CNTNAP5: variants seen among roughly 807,000 people sequenced by gnomAD.
CNTNAP5 encodes contactin associated protein family member 5, also known as contactin-associated protein-like 5.
In CNTNAP5, 72 loss-of-function variants were observed where a neutral mutation model predicts 150.2. That is an observed-to-expected ratio of 0.48 (90% confidence interval 0.40 to 0.58). The LOEUF (loss-of-function observed/expected upper bound fraction) is 0.58, where lower values mean the gene tolerates loss of function less well. CNTNAP5 is among the 20% of genes least tolerant of loss of function. The pLI, the probability that CNTNAP5 is intolerant of heterozygous loss-of-function variation, is 0.00. For synonymous variants in CNTNAP5, 672 were observed against 619.8 expected, an observed-to-expected ratio of 1.08 and a Z score of -1.25; for missense variants, 1,636 against 1,626.2, an observed-to-expected ratio of 1.01 and a Z score of -0.10.
chr2:124,466,909 C>T (rs531978499), intron 6 of CNTNAP5, among the ~76,000 whole-genome samples: 1 of 152,236 alleles, frequency 6.6e-6, no homozygotes, highest in African/African-American at 2.4e-5. Context: ...AGATCTTCAG[C>T]ATCCTCGGAA....
chr2:124,523,777 T>C (rs541377548), intron 8 of CNTNAP5, among the ~76,000 whole-genome samples: 2 of 152,204 alleles, frequency 1.3e-5, no homozygotes, highest in Non-Finnish European at 2.9e-5. Context: ...TTGGATTATA[T>C]GTTACCTCTC....
intron 13 of CNTNAP5, among the ~76,000 whole-genome samples, chr2:124,654,773 C>A (rs1285517600): frequency 2.6e-5 from 4 of 152,068 alleles, no homozygotes; most frequent in African/African-American, 9.6e-5. Context: ...CTTAACCACC[C>A]CCCGCCTCCA....
rs138387747 is a variant in CNTNAP5, at chr2:124,092,619, TTC to T, written c.82+66891_82+66892del. 5.4e-4 allele frequency among the ~76,000 whole-genome samples: 83 copies of T among 152,336 alleles called. No homozygotes were observed. In the East Asian group the frequency reaches 0.015, roughly 28 times the overall value. ...TAGACCTCAAGTTTCCTCAACATTT[TTC>T]TCTTTGCCGTAGTTCAATTTCTCAG... On this transcript the variant is annotated intron_variant, in intron 1 of 23. Transcript: ENST00000682447.
chr2:124,075,963 A>T (rs1236210970), intron 1 of CNTNAP5, among the ~76,000 whole-genome samples: 2 of 152,190 alleles, frequency 1.3e-5, no homozygotes, highest in African/African-American at 4.8e-5. Flanking sequence ...AAACTTGTGC[A>T]TCTCAGAAAT....
intron 14 of CNTNAP5, among the ~76,000 whole-genome samples, chr2:124,752,908 A>G (rs1187082467): frequency 2.0e-5 from 3 of 152,176 alleles, no homozygotes; most frequent in African/African-American, 7.2e-5. Flanking sequence ...GTGGAGCAGC[A>G]TGTTGGAGAA....
intron 17 of CNTNAP5, among the ~76,000 whole-genome samples, chr2:124,774,087 A>G (rs1236749113): frequency 6.6e-6 from 1 of 152,142 alleles, no homozygotes; most frequent in East Asian, 1.9e-4. Context: ...TATTGTCAAT[A>G]CTACCAAAAC....
At chr2:124,795,748 C>G (rs993229126) in intron 18 of CNTNAP5, among the ~76,000 whole-genome samples, 5 of 152,146 alleles carry the variant, frequency 3.3e-5, no homozygotes, top group Non-Finnish European at 7.3e-5. Context: ...AACTCCTGAC[C>G]TCGGGTGATC....
chr2:124,643,510 T>G (rs1252264700), intron 12 of CNTNAP5, among the ~76,000 whole-genome samples: 7 of 151,360 alleles, frequency 4.6e-5, no homozygotes, highest in Non-Finnish European at 1.0e-4. Context: ...CTTAACAAGG[T>G]GGTAATAATT....
At position 124,883,070 on chromosome 2, in the gene CNTNAP5, CTT is replaced by C. The variant is rs61340026; in HGVS notation, c.3436+13325_3436+13326del. 7.0e-4 allele frequency among the ~76,000 whole-genome samples: 99 copies of C among 142,096 alleles called. 1 individual carries two copies. The highest frequency in any genetic ancestry group is 1.4e-3 in the Admixed American group (20 of 14,236). 93.2% of individuals were successfully genotyped at this position (142,096 alleles called of 152,430 possible). On this transcript the variant is annotated intron_variant, in intron 21 of 23. Coordinates refer to ENST00000682447, the MANE Select transcript of CNTNAP5 (RefSeq NM_001367498.1). ...CATATCAATATATATCATCCATTCT[CTT>C]TTTTTTTTTTTTTTTTGAGACTATC...
chr2:124,761,186 G>A (rs902729790), intron 14 of CNTNAP5, among the ~76,000 whole-genome samples: 1 of 152,010 alleles, frequency 6.6e-6, no homozygotes, highest in Non-Finnish European at 1.5e-5. Context: ...TCATTTTATT[G>A]TGACTAAAAC....
intron 17 of CNTNAP5, among the ~76,000 whole-genome samples, chr2:124,786,913 A>G (rs1202246757): frequency 6.6e-6 from 1 of 152,234 alleles, no homozygotes; most frequent in Non-Finnish European, 1.5e-5. Context: ...CAGCCAGGTA[A>G]AAATGGAAAT....
chr2:124,168,391 G>GT (rs1237644224), intron 1 of CNTNAP5, among the ~76,000 whole-genome samples: 2 of 152,148 alleles, frequency 1.3e-5, no homozygotes, highest in Non-Finnish European at 2.9e-5. Context: ...CTTAGCATGG[G>GT]TTTTATTAGT....
intron 21 of CNTNAP5, among the ~76,000 whole-genome samples, chr2:124,889,078 CTTTTTTTTTTTT>C (rs761790564): frequency 5.5e-4 from 38 of 68,782 alleles, no homozygotes; most frequent in South Asian, 1.3e-3. Flanking sequence ...TGAGGTCTAG[CTTTTTTTTTTTT>C]TTTTTTTTTT....
At chr2:124,721,474 T>G (rs1680046521) in intron 13 of CNTNAP5, among the ~76,000 whole-genome samples, 2 of 150,194 alleles carry the variant, frequency 1.3e-5, no homozygotes, top group Admixed American at 1.3e-4. Context: ...AGAGTGAGAC[T>G]CCATCTCAAA....
At chr2:124,252,075 A>G (rs1295141971) in intron 3 of CNTNAP5, among the ~76,000 whole-genome samples, 1 of 152,172 alleles carries the variant, frequency 6.6e-6, no homozygotes, top group African/African-American at 2.4e-5. Flanking sequence ...TGAGAAGTAG[A>G]CACTTTCATG....
chr2:124,109,684 G>T (rs935111552), intron 1 of CNTNAP5, among the ~76,000 whole-genome samples: 2 of 152,166 alleles, frequency 1.3e-5, no homozygotes, highest in Non-Finnish European at 2.9e-5. Context: ...CACAGGTGTG[G>T]CTGGCTACAT....
chr2:124,832,903 C>CT (rs1157724284), intron 19 of CNTNAP5, among the ~76,000 whole-genome samples: 8 of 144,902 alleles, frequency 5.5e-5, no homozygotes, highest in East Asian at 2.0e-4. Context: ...CTTTCTTTTT[C>CT]TTTTTTTTTC....
intron 1 of CNTNAP5, among the ~76,000 whole-genome samples, chr2:124,147,410 C>T (rs939812007): frequency 1.3e-5 from 2 of 152,020 alleles, no homozygotes; most frequent in Non-Finnish European, 1.5e-5. Context: ...TCATACAAAG[C>T]GGAATAAAGA....
Position 124,391,913 on chromosome 2 carries a change from G to C in CNTNAP5, c.382-25530G>C, listed in dbSNP as rs567290662. ...GGAGCTTGCAGTGAGCCGAGATCGC[G>C]CCACTGCACTCCAGCCTGGGTGACA... On this transcript the variant is annotated intron_variant, in intron 3 of 23. Coordinates refer to ENST00000682447, the MANE Select transcript of CNTNAP5 (RefSeq NM_001367498.1). Among the ~76,000 whole-genome samples, 24 of 152,034 alleles carry C rather than the reference G, an allele frequency of 1.6e-4. No individual in the cohort carries two copies. The South Asian group carries it at 4.6e-3, about 29-fold the overall frequency.
Sources: gnomAD v4.1 joint callset for allele counts (sites outside exome capture counted in the v4.1 genomes callset) on GRCh38, gnomAD v4.1.1 for gene constraint, MANE v1.5 for transcripts, NCBI Gene and HGNC (gene_info 2026-07-23, HGNC 2026-07-21) for gene names.